Variants in CNTNAP5 observed in about 807,000 individuals in gnomAD.
CNTNAP5 encodes contactin-associated protein-like 5.
Under a neutral mutation model 150.2 loss-of-function variants are expected in CNTNAP5, and 72 were observed. That is an observed-to-expected ratio of 0.48 (90% CI 0.40 to 0.58). The LOEUF (loss-of-function observed/expected upper bound fraction) is 0.58, where lower values mean the gene tolerates loss of function less well. Among genes scored for constraint, CNTNAP5 ranks in the 20% least tolerant of loss-of-function variants. The probability of loss-of-function intolerance (pLI) is 0.00; values close to 1 mark genes in which losing one functional copy is unlikely to be tolerated. For missense variants in CNTNAP5, 1,636 were observed against 1,626.2 expected (o/e 1.01, Z -0.10); for synonymous variants, 672 against 619.8 (o/e 1.08, Z -1.25).
intron 4 of CNTNAP5, 86 bp from the exon 5 acceptor site, chr2:124,434,398 C>A: frequency 1.9e-6 from 2 of 1,053,546 alleles, no homozygotes; most frequent in Non-Finnish European, 2.9e-6. Flanking sequence ...TTTCTGTGAA[C>A]TGGACATGAA....
chr2:124,271,957 T>C (rs1038331873), intron 3 of CNTNAP5, among the ~76,000 whole-genome samples: 4 of 152,102 alleles, frequency 2.6e-5, no homozygotes, highest in African/African-American at 2.4e-5. Flanking sequence ...TCAAGTGATA[T>C]GCCTGCTTCA....
chr2:124,900,378 A>G (rs895359635), intron 21 of CNTNAP5, among the ~76,000 whole-genome samples: 2 of 151,308 alleles, frequency 1.3e-5, no homozygotes, highest in African/African-American at 2.5e-5. Flanking sequence ...CTCTCCATCT[A>G]TGTAAGAATC....
chr2:124,419,786 T>TA lies in CNTNAP5; in HGVS notation c.529+2202dup, dbSNP rs1692035084. Among the ~76,000 whole-genome samples, 3 of 152,116 alleles carry TA rather than the reference T, an allele frequency of 2.0e-5. No homozygotes were observed. In the South Asian group the frequency reaches 6.2e-4, roughly 32 times the overall value. On this transcript the variant is annotated intron_variant, in intron 4 of 23. Transcript: ENST00000682447. ...TTTTTTTTATTTGGGGGAAATAATT[T>TA]AAAAAACGAATACATTTCTCAGTTT...
At chr2:124,491,536 A>G (rs1694027107) in intron 7 of CNTNAP5, among the ~76,000 whole-genome samples, 1 of 152,088 alleles carries the variant, frequency 6.6e-6, no homozygotes, top group South Asian at 2.1e-4. Context: ...GCTATTGTAG[A>G]TAATGCTGCA....
At chr2:124,252,443 G>A (rs1005292173) in intron 3 of CNTNAP5, among the ~76,000 whole-genome samples, 3 of 152,110 alleles carry the variant, frequency 2.0e-5, no homozygotes, top group African/African-American at 7.2e-5. Context: ...CATGGGTGAT[G>A]ACCCACCACC....
intron 1 of CNTNAP5, among the ~76,000 whole-genome samples, chr2:124,158,720 T>C (rs1200950988): frequency 6.6e-6 from 1 of 152,202 alleles, no homozygotes; most frequent in Non-Finnish European, 1.5e-5. Context: ...GGTTACCTAA[T>C]AGTTATGTTC....
intron 7 of CNTNAP5, among the ~76,000 whole-genome samples, chr2:124,491,377 T>C (rs1363396723): frequency 2.0e-5 from 3 of 152,112 alleles, no homozygotes; most frequent in Non-Finnish European, 2.9e-5. Flanking sequence ...ATGGTTTTCC[T>C]CTTTCTTATA....
At chr2:124,094,385 T>C (rs1682884622) in intron 1 of CNTNAP5, among the ~76,000 whole-genome samples, 2 of 152,178 alleles carry the variant, frequency 1.3e-5, no homozygotes, top group Non-Finnish European at 2.9e-5. Flanking sequence ...AGAATAGTAG[T>C]ATTTGTCAGG....
At chr2:124,652,128 A>C (rs896362400) in intron 13 of CNTNAP5, among the ~76,000 whole-genome samples, 1 of 152,168 alleles carries the variant, frequency 6.6e-6, no homozygotes, top group African/African-American at 2.4e-5. Flanking sequence ...AGTGCCAACC[A>C]ATGGAATGCA....
At chr2:124,722,443 G>A (rs1374703639) in intron 13 of CNTNAP5, among the ~76,000 whole-genome samples, 1 of 152,116 alleles carries the variant, frequency 6.6e-6, no homozygotes, top group Non-Finnish European at 1.5e-5. Flanking sequence ...CTGCCAAAAA[G>A]GAGAAATTGA....
At chr2:124,470,812 T>G (rs974163612) in intron 6 of CNTNAP5, among the ~76,000 whole-genome samples, 2 of 152,142 alleles carry the variant, frequency 1.3e-5, no homozygotes, top group African/African-American at 4.8e-5. Context: ...CAGCACCATT[T>G]ATTAAATAGG....
At chr2:124,445,675 C>T (rs1261371693) in intron 5 of CNTNAP5, among the ~76,000 whole-genome samples, 1 of 152,186 alleles carries the variant, frequency 6.6e-6, no homozygotes, top group African/African-American at 2.4e-5. Context: ...GAAGTGGCAG[C>T]TACCGCCTGC....
intron 7 of CNTNAP5, among the ~76,000 whole-genome samples, chr2:124,497,321 T>A (rs553197503): frequency 3.3e-5 from 5 of 152,302 alleles, no homozygotes; most frequent in African/African-American, 1.2e-4. Context: ...TAATGCCCAC[T>A]AATAGAAACA....
chr2:124,911,395 T>C, intron 22 of CNTNAP5, 72 bp from the exon 23 acceptor site: 1 of 1,081,906 alleles, frequency 9.2e-7, no homozygotes, highest in Non-Finnish European at 1.4e-6. Context: ...TCATTCCAGG[T>C]GGGCCACACT....
intron 7 of CNTNAP5, among the ~76,000 whole-genome samples, chr2:124,502,909 T>G: frequency 6.6e-6 from 1 of 152,162 alleles, no homozygotes; most frequent in East Asian, 1.9e-4. Flanking sequence ...GCACATGGCT[T>G]TTGCTAAGTT....
Position 124,511,074 on chromosome 2 carries a change from G to T in CNTNAP5, c.1327+6518G>T, listed in dbSNP as rs550091773. ...GATATCATGTTCTATTTTTAATGAT[G>T]GATGTGGTTGCCGTTTTAAAGGCTT... On this transcript the variant is annotated intron_variant, in intron 8 of 23. Coordinates refer to ENST00000682447, the MANE Select transcript of CNTNAP5 (RefSeq NM_001367498.1). Among the ~76,000 whole-genome samples the T allele has an allele frequency of 1.4e-3, 209 of 152,214 alleles. 1 individual carries two copies. The highest frequency in any genetic ancestry group is 1.6e-3 in the Non-Finnish European group (112 of 68,008).
intron 12 of CNTNAP5, among the ~76,000 whole-genome samples, chr2:124,646,227 T>A (rs1486660024): frequency 1.3e-5 from 2 of 152,222 alleles, no homozygotes; most frequent in Admixed American, 6.5e-5. Context: ...TCCCAAGTTG[T>A]GTACAGAGCT....
At chr2:124,400,246 G>A (rs1691371741) in intron 3 of CNTNAP5, among the ~76,000 whole-genome samples, 1 of 152,074 alleles carries the variant, frequency 6.6e-6, no homozygotes, top group Non-Finnish European at 1.5e-5. Context: ...TCATCGCAGG[G>A]AGATAGGCAA....
intron 21 of CNTNAP5, among the ~76,000 whole-genome samples, chr2:124,884,519 G>A (rs1412108730): frequency 1.3e-5 from 2 of 151,990 alleles, no homozygotes; most frequent in African/African-American, 4.8e-5. Context: ...TGTTTCAAAA[G>A]GAAGTGTCTG....
Sources: allele counts gnomAD v4.1 joint callset (sites outside exome capture counted in the v4.1 genomes callset), GRCh38; gene constraint gnomAD v4.1.1; transcripts MANE v1.5; gene names NCBI Gene and HGNC (gene_info 2026-07-23, HGNC 2026-07-21).